SUN1: variants seen among roughly 807,000 people sequenced by gnomAD.
SUN1 encodes SUN domain-containing protein 1.
In SUN1, 61 loss-of-function variants were observed where a neutral mutation model predicts 103.2. That is an observed-to-expected ratio of 0.59 (90% CI 0.48 to 0.73). SUN1 has a LOEUF of 0.73. Among genes scored for constraint, SUN1 ranks in the 30% least tolerant of loss-of-function variants. The pLI, the probability that SUN1 is intolerant of heterozygous loss-of-function variation, is 0.00. For missense variants in SUN1, 1,052 were observed against 1,034.6 expected (o/e 1.02, Z -0.23); for synonymous variants, 490 against 425.7 (o/e 1.15, Z -1.86).
Position 838,927 on chromosome 7 carries a change from G to A in SUN1, c.207G>A (p.Glu69=). 1.2e-6 allele frequency: 2 copies of A among 1,610,952 alleles called. No homozygotes were observed. The highest frequency in any genetic ancestry group is 1.3e-5 in the African/African-American group (1 of 75,004). The change falls in exon 2 of 19, where the codon GAG becomes GAA. Residue 69 remains glutamate, a synonymous_variant. Coordinates refer to ENST00000401592, the MANE Select transcript of SUN1 (RefSeq NM_001130965.3). ...ATTACTLGDG[E]AVGADSGTSS... ...CAGCATGCACCCTGGGGGATGGTGA[G>A]GCTGTGGGTGCCGACAGCGGCACCA...
chr7:866,035 T>G lies in SUN1; in HGVS notation c.1948T>G (p.Tyr650Asp). The G allele has an allele frequency of 6.2e-7, 1 of 1,614,140 alleles. No homozygotes were observed. Among genetic ancestry groups the G allele is most frequent in the Non-Finnish European group, 8.5e-7 (1 of 1,180,008 alleles). The change falls in exon 16 of 19, where the codon TAC (tyrosine) becomes GAC (aspartate). Residue 650 changes from tyrosine to aspartate, a missense_variant. Tyr to Asp is a radical substitution (Grantham distance 160, BLOSUM62 -3). Coordinates refer to ENST00000401592, the MANE Select transcript of SUN1 (RefSeq NM_001130965.3). ...LMSLFGIPLWYFSQSPRVVIQ... is the reference protein window; with the variant it reads ...LMSLFGIPLWDFSQSPRVVIQ... ...GAGTCTGTTTGGGATCCCGCTGTGGTACTTCTCGCAGTCCCCGCGCGTGGT... is the reference window on the plus strand; with the variant it reads ...GAGTCTGTTTGGGATCCCGCTGTGGGACTTCTCGCAGTCCCCGCGCGTGGT...
At chr7:870,709 A>T (rs1363578393) in intron 17 of SUN1, among the ~76,000 whole-genome samples, 2 of 151,904 alleles carry the variant, frequency 1.3e-5, no homozygotes, top group Non-Finnish European at 2.9e-5. Flanking sequence ...TTCTCCTCTC[A>T]CTGAGTATTT....
At chr7:823,919 A>G (rs7802818) in intron 1 of SUN1, among the ~76,000 whole-genome samples, 64,938 of 152,142 alleles carry the variant, frequency 0.43, 14,207 homozygotes, top group East Asian at 0.51. Flanking sequence ...CTGTGTACCA[A>G]CTGGAATTAC....
chr7:866,947 A>G lies in SUN1; in HGVS notation c.1980+880A>G, dbSNP rs182066494. Among the ~76,000 whole-genome samples, 268 of 152,214 alleles carry G rather than the reference A, an allele frequency of 1.8e-3. 1 individual carries two copies. Among genetic ancestry groups the G allele is most frequent in the African/African-American group, 6.2e-3 (256 of 41,522 alleles). Reference sequence around the variant, plus strand: ...ATTTAAATAGATTTATTTTGCCTCAATACTCAAATCCTGCCTCATATTCAT... The same window carrying G: ...ATTTAAATAGATTTATTTTGCCTCAGTACTCAAATCCTGCCTCATATTCAT... On this transcript the variant is annotated intron_variant, in intron 16 of 18. Coordinates refer to ENST00000401592, the MANE Select transcript of SUN1 (RefSeq NM_001130965.3).
rs1467559635 is a variant in SUN1 at position 832,808 on chromosome 7, T to G, written c.77+207T>G. 5 of 542,038 alleles carry G rather than the reference T, an allele frequency of 9.2e-6. No homozygotes were observed. The East Asian group carries it at 1.5e-4, about 16-fold the overall frequency. The allele number at this position is 542,038 out of a possible 1,614,324, so 33.6% of individuals were successfully genotyped here. The stretch of plus-strand genomic sequence containing the variant: ...AACTGAATCTGTTCATCCTGGTGAC[T>G]GGGTGGTTAGTCATCGCACATGGCT... On this transcript the variant is annotated intron_variant, in intron 1 of 18. Coordinates refer to ENST00000401592, the MANE Select transcript of SUN1 (RefSeq NM_001130965.3).
chr7:873,405 G>A lies in SUN1; in HGVS notation c.*74G>A, dbSNP rs1228804707. The stretch of plus-strand genomic sequence containing the variant: ...TGAAACACTGGAATCCTTCATGGAC[G>A]AGGGCATATACAATGATGGGACAGT... On this transcript the variant is annotated 3_prime_UTR_variant, in exon 19 of 19. Transcript: ENST00000401592. The A allele has an allele frequency of 8.3e-6, 11 of 1,327,842 alleles. No individual in the cohort carries two copies. The highest frequency in any genetic ancestry group is 2.4e-5 in the South Asian group (2 of 84,870). The allele number at this position is 1,327,842 out of a possible 1,614,324, so 82.3% of individuals were successfully genotyped here. A position where few individuals can be genotyped will look rare whatever the true frequency, so the allele number is the denominator to read the frequency against.
intron 15 of SUN1, 49 bp downstream of exon 15, chr7:861,513 C>T: frequency 1.9e-6 from 3 of 1,594,492 alleles, no homozygotes; most frequent in Non-Finnish European, 1.7e-6. Flanking sequence ...CACCTGTTAG[C>T]AGGGGTGTGC....
chr7:851,555 C>T (rs1822179880), intron 6 of SUN1, 73 bp downstream of exon 6: 2 of 971,236 alleles, frequency 2.1e-6, no homozygotes, highest in Non-Finnish European at 3.0e-6. Context: ...CTCGATTTAC[C>T]TAACCAAGTA....
Position 853,392 on chromosome 7 carries a change from C to A in SUN1, c.1054-17C>A. 6.2e-7 allele frequency: 1 copy of A among 1,612,700 alleles called. No homozygotes were observed. The highest frequency in any genetic ancestry group is 1.1e-5 in the South Asian group (1 of 91,052). On this transcript the variant is annotated splice_polypyrimidine_tract_variant and intron_variant, in intron 9 of 18. Coordinates refer to ENST00000401592, the MANE Select transcript of SUN1 (RefSeq NM_001130965.3). ...CTTGTTTGACTACCTGGTTTCATTT[C>A]TCTCTTGCCATTTCAGGGTGACAGT...
rs1164220711 is a variant in SUN1, at chr7:859,988, T to C, written c.1525-140T>C. ...ATTGGAGGGGTTATTAAATTTAATATGAAGGAAAACACTGTCACAATGACA... is the reference window on the plus strand; with the variant it reads ...ATTGGAGGGGTTATTAAATTTAATACGAAGGAAAACACTGTCACAATGACA... On this transcript the variant is annotated intron_variant, in intron 13 of 18. Coordinates refer to ENST00000401592, the MANE Select transcript of SUN1 (RefSeq NM_001130965.3). The C allele has an allele frequency of 3.5e-6, 4 of 1,144,082 alleles. No homozygotes were observed. In the Admixed American group the frequency reaches 8.3e-5, roughly 24 times the overall value. The allele number at this position is 1,144,082 out of a possible 1,614,324, so 70.9% of individuals were successfully genotyped here.
In SUN1 at chr7:872,497, G is replaced by A; in HGVS notation, c.2176G>A (p.Gly726Arg). The A allele has an allele frequency of 6.2e-7, 1 of 1,605,268 alleles. No homozygotes were observed. The highest frequency in any genetic ancestry group is 8.5e-7 in the Non-Finnish European group (1 of 1,175,876). ...YGLENEYQEEGQLLGQFTYDQ... is the reference protein window; with the variant it reads ...YGLENEYQEERQLLGQFTYDQ... ...ATTAGAAAATGAGTATCAGGAAGAA[G>A]GGCAGCTTCTGGGACAGTTCACGTA... Residue 726 changes from glycine to arginine, a missense_variant, in exon 18 of 19, where the codon GGG (glycine) becomes AGG (arginine). Physicochemically the swap from Gly to Arg is moderately radical, Grantham distance 125. Transcript: ENST00000401592.
chr7:826,082 A>G (rs1015792497), intron 1 of SUN1, among the ~76,000 whole-genome samples: 1 of 152,106 alleles, frequency 6.6e-6, no homozygotes, highest in African/African-American at 2.4e-5. Flanking sequence ...CTAAGAAAAT[A>G]AAAAGATTAA....
intron 15 of SUN1, among the ~76,000 whole-genome samples, chr7:862,756 CATTG>C (rs1467566695): frequency 1.3e-5 from 2 of 152,186 alleles, no homozygotes; most frequent in Non-Finnish European, 2.9e-5. Context: ...TTGAAGAAAA[CATTG>C]ATTGACACTT....
intron 1 of SUN1, among the ~76,000 whole-genome samples, chr7:823,897 A>G (rs1321730899): frequency 1.3e-5 from 2 of 152,224 alleles, no homozygotes; most frequent in African/African-American, 2.4e-5. Context: ...CCAACAGGAA[A>G]TAAAACGATG....
At chr7:860,064 G>A in intron 13 of SUN1, 64 bp from the exon 14 acceptor site, 2 of 1,582,884 alleles carry the variant, frequency 1.3e-6, no homozygotes, top group East Asian at 2.2e-5. Flanking sequence ...TAAGATAATG[G>A]ACCCGAACAG....
At chr7:829,966 A>C (rs1217555730), upstream of SUN1, among the ~76,000 whole-genome samples, 2 of 152,250 alleles carry the variant, frequency 1.3e-5, no homozygotes, top group African/African-American at 4.8e-5. Context: ...TGAGGTACAC[A>C]GTTTCATTTA....
chr7:852,465 C>G, intron 7 of SUN1, 144 bp from the exon 8 acceptor site: 2 of 916,944 alleles, frequency 2.2e-6, no homozygotes, highest in Non-Finnish European at 3.4e-6. Context: ...CTGAAGGCAT[C>G]AGAAGCCTTG....
intron 13 of SUN1, 97 bp from the exon 14 acceptor site, chr7:860,031 A>G (rs1830978121): frequency 7.0e-7 from 1 of 1,426,966 alleles, no homozygotes; most frequent in Non-Finnish European, 9.5e-7. Flanking sequence ...TTTTGAGAGG[A>G]TATATAATTC....
At chr7:832,038 G>A, upstream of SUN1, 1 of 987,572 alleles carries the variant, frequency 1.0e-6, no homozygotes, top group Non-Finnish European at 1.2e-6. Flanking sequence ...CTGATTCTGA[G>A]ATGCTTGTGA....
Sources: gnomAD v4.1 joint callset for allele counts (sites outside exome capture counted in the v4.1 genomes callset) on GRCh38, gnomAD v4.1.1 for gene constraint, MANE v1.5 for transcripts, NCBI Gene and HGNC (gene_info 2026-07-23, HGNC 2026-07-21) for gene names.